The following KIAA1958 variants were observed in gnomAD, a reference collection of about 807,000 sequenced individuals.
KIAA1958 encodes the protein uncharacterized protein KIAA1958.
A neutral mutation model predicts 47.2 loss-of-function variants in KIAA1958; 14 were observed. The ratio of observed to expected loss-of-function variants is 0.30; its 90% CI spans 0.20 to 0.46. The LOEUF (loss-of-function observed/expected upper bound fraction) is 0.46. KIAA1958 is among the 20% of genes least tolerant of loss of function. The pLI is 1.00. For missense variants in KIAA1958, 803 were observed against 909.2 expected (o/e 0.88, Z 1.50); for synonymous variants, 354 against 353.3 (o/e 1.00, Z -0.02).
intron 1 of KIAA1958, among the ~76,000 whole-genome samples, chr9:112,503,904 T>C (rs1195202679): frequency 4.3e-5 from 6 of 140,338 alleles, no homozygotes; most frequent in African/African-American, 1.6e-4. Context: ...GCTAACAGTG[T>C]TAATGTGCTG....
intron 1 of KIAA1958, among the ~76,000 whole-genome samples, chr9:112,487,946 C>CGCGTGTGTGTGT (rs112995293): frequency 6.9e-6 from 1 of 145,734 alleles, no homozygotes; most frequent in Non-Finnish European, 1.5e-5. Context: ...AGTGTGTGTG[C>CGCGTGTGTGTGT]GTGTGTGTGT....
intron 2 of KIAA1958, among the ~76,000 whole-genome samples, chr9:112,581,509 C>A (rs1384613678): frequency 6.6e-6 from 1 of 152,116 alleles, no homozygotes; most frequent in African/African-American, 2.4e-5. Flanking sequence ...CGAGGAAAGA[C>A]CAAAAATGCT....
rs534551930 is a variant in KIAA1958, at chr9:112,663,030, C to T, written c.*2961C>T. The T allele has an allele frequency of 6.6e-6, 1 of 152,246 alleles. No individual in the cohort carries two copies. The highest frequency in any genetic ancestry group is 1.5e-5 in the Non-Finnish European group (1 of 68,000). The allele number at this position is 152,246 out of a possible 1,614,324, so 9.4% of individuals were successfully genotyped here. ...AGTGGGGAGGTAAAGAGCGTTTTCT[C>T]CACTTACCTTTGGGTTTTTTATGCT... On this transcript the variant is annotated 3_prime_UTR_variant, in exon 4 of 4. Transcript: ENST00000337530.
chr9:112,652,181 T>A (rs149104079), intron 3 of KIAA1958, among the ~76,000 whole-genome samples: 33 of 152,300 alleles, frequency 2.2e-4, no homozygotes, highest in Non-Finnish European at 1.5e-4. Flanking sequence ...TTTATTTTAT[T>A]CTTTCCCACT....
At chr9:112,521,880 A>G (rs1350686844) in intron 1 of KIAA1958, among the ~76,000 whole-genome samples, 1 of 152,132 alleles carries the variant, frequency 6.6e-6, no homozygotes, top group Non-Finnish European at 1.5e-5. Context: ...GTGCCCTTAT[A>G]TGCCCTTAAA....
rs1196661316 is a variant in KIAA1958, at chr9:112,664,142, C to T, written c.*4073C>T. ...GTGGCAGAGCTAGGACACAAAATTC[C>T]TAATTCCTGAAGATAGTTAGTCTCC... On this transcript the variant is annotated 3_prime_UTR_variant, in exon 4 of 4. Coordinates refer to ENST00000337530, the MANE Select transcript of KIAA1958 (RefSeq NM_133465.4). 1 of 152,242 alleles carries T rather than the reference C, an allele frequency of 6.6e-6. No homozygotes were observed. The highest frequency in any genetic ancestry group is 2.4e-5 in the African/African-American group (1 of 41,476). The allele number at this position is 152,242 out of a possible 1,614,324, so 9.4% of individuals were successfully genotyped here. A position where few individuals can be genotyped will look rare whatever the true frequency, so the allele number is the denominator to read the frequency against.
chr9:112,574,766 C>A lies in KIAA1958; in HGVS notation c.686C>A (p.Ser229Tyr), dbSNP rs766937955. Residue 229 changes from serine (S) to tyrosine (Y), a missense_variant, in exon 2 of 4, where the codon TCC (serine) becomes TAC (tyrosine). By Grantham distance (144) the Ser-to-Tyr change is moderately radical. This residue lies in a region of KIAA1958 where 761 missense variants were observed against 829.3 expected (regional missense o/e 0.92). Coordinates refer to ENST00000337530, the MANE Select transcript of KIAA1958 (RefSeq NM_133465.4). ...LTGGVDGPAL[S>Y]LTQMAKPKPQ... The stretch of plus-strand genomic sequence containing the variant: ...GGAGGAGTAGATGGACCAGCCCTGT[C>A]CTTGACACAGATGGCAAAACCCAAG... The A allele has an allele frequency of 6.2e-7, 1 of 1,614,070 alleles. No individual in the cohort carries two copies. The highest frequency in any genetic ancestry group is 1.1e-5 in the South Asian group (1 of 91,040).
chr9:112,588,495 C>T (rs1174633780), intron 2 of KIAA1958, among the ~76,000 whole-genome samples: 3 of 151,974 alleles, frequency 2.0e-5, no homozygotes, highest in Non-Finnish European at 1.5e-5. Flanking sequence ...TTTTATGTTC[C>T]GCAAAGAAAG....
At chr9:112,619,034 AATATATAAT>A (rs1411891622) in intron 2 of KIAA1958, 2 of 1,003,456 alleles carry the variant, frequency 2.0e-6, no homozygotes, top group Non-Finnish European at 1.2e-6. Context: ...TAAAAATATA[AATATATAAT>A]ATATTTTTCT....
intron 2 of KIAA1958, among the ~76,000 whole-genome samples, chr9:112,600,314 T>G (rs1389265239): frequency 6.6e-6 from 1 of 152,232 alleles, no homozygotes. Flanking sequence ...TGAAGCCTGT[T>G]TGAATTCACT....
At chr9:112,633,958 A>G (rs1329009520) in intron 2 of KIAA1958, among the ~76,000 whole-genome samples, 1 of 152,130 alleles carries the variant, frequency 6.6e-6, no homozygotes, top group African/African-American at 2.4e-5. Context: ...TACATTCATG[A>G]TATGTACACG....
intron 1 of KIAA1958, among the ~76,000 whole-genome samples, chr9:112,517,768 A>G (rs1032576363): frequency 1.3e-5 from 2 of 152,250 alleles, no homozygotes; most frequent in African/African-American, 4.8e-5. Flanking sequence ...GATAAAAAAG[A>G]TGGGCAAAAG....
Position 112,660,123 on chromosome 9 carries a change from T to G in KIAA1958, c.*54T>G, listed in dbSNP as rs1214271441. On this transcript the variant is annotated 3_prime_UTR_variant, in exon 4 of 4. Transcript: ENST00000337530. The stretch of plus-strand genomic sequence containing the variant: ...GTCACCTGCTCGGGCCAGCCAGGGT[T>G]GGAGCAGCTGGAGCTCCTTGGAGGC... The G allele has an allele frequency of 4.7e-6, 7 of 1,486,992 alleles. No homozygotes were observed. The highest frequency in any genetic ancestry group is 1.4e-5 in the African/African-American group (1 of 72,670). The allele number at this position is 1,486,992 out of a possible 1,614,324, so 92.1% of individuals were successfully genotyped here. A position where few individuals can be genotyped will look rare whatever the true frequency, so the allele number is the denominator to read the frequency against.
chr9:112,524,950 G>T (rs1423976566), intron 1 of KIAA1958, among the ~76,000 whole-genome samples: 1 of 152,158 alleles, frequency 6.6e-6, no homozygotes, highest in African/African-American at 2.4e-5. Flanking sequence ...TGTTATCTGG[G>T]AATATTCTAT....
intron 2 of KIAA1958, among the ~76,000 whole-genome samples, chr9:112,599,199 A>AT: frequency 6.6e-6 from 1 of 152,234 alleles, no homozygotes; most frequent in South Asian, 2.1e-4. Context: ...TACTTTTTGT[A>AT]TTTTGTGGGG....
At chr9:112,603,486 T>C (rs990245169) in intron 2 of KIAA1958, among the ~76,000 whole-genome samples, 1 of 152,090 alleles carries the variant, frequency 6.6e-6, no homozygotes, top group Non-Finnish European at 1.5e-5. Context: ...AAACAAATGA[T>C]ACCCATCCTT....
chr9:112,638,183 TGTG>T (rs1836837157), intron 2 of KIAA1958, among the ~76,000 whole-genome samples: 1 of 151,934 alleles, frequency 6.6e-6, no homozygotes, highest in Admixed American at 6.6e-5. Context: ...TTTCTCTTAA[TGTG>T]GTGTTATGTG....
chr9:112,522,230 C>A (rs1834557776), intron 1 of KIAA1958, among the ~76,000 whole-genome samples: 1 of 152,192 alleles, frequency 6.6e-6, no homozygotes, highest in Admixed American at 6.5e-5. Context: ...CTCGGCCTCC[C>A]AAAGTGCTGG....
At chr9:112,636,831 C>T (rs1332160511) in intron 2 of KIAA1958, among the ~76,000 whole-genome samples, 1 of 152,114 alleles carries the variant, frequency 6.6e-6, no homozygotes, top group Non-Finnish European at 1.5e-5. Flanking sequence ...AGCCTGACAA[C>T]ATTTATCTTT....
Sources: gnomAD v4.1 joint callset for allele counts (sites outside exome capture counted in the v4.1 genomes callset) on GRCh38, gnomAD v4.1.1 for gene constraint, gnomAD v4.1.1 regional missense constraint, MANE v1.5 for transcripts, NCBI Gene and HGNC (gene_info 2026-07-23, HGNC 2026-07-21) for gene names.